The following TAF5 variants were observed in gnomAD, a reference collection of about 807,000 sequenced individuals.
The protein encoded by TAF5 is transcription initiation factor TFIID subunit 5.
A neutral mutation model predicts 80.9 loss-of-function variants in TAF5; 20 were observed. The observed-to-expected ratio is 0.25, with a 90% confidence interval of 0.17 to 0.36. The LOEUF is 0.36. TAF5 is among the 10% of genes least tolerant of loss of function. TAF5 has a pLI of 1.00. For synonymous variants in TAF5, 388 were observed against 406.4 expected (o/e 0.95, Z 0.55); for missense variants, 863 against 1,029.4 (o/e 0.84, Z 2.21).
Position 103,387,539 on chromosome 10 carries a change from A to T in TAF5, c.2026A>T (p.Thr676Ser). 1.2e-6 allele frequency: 2 copies of T among 1,613,346 alleles called. No homozygotes were observed. Among genetic ancestry groups the T allele is most frequent in the South Asian group, 1.1e-5 (1 of 91,000 alleles). The change falls in exon 10 of 11, where the codon ACA becomes TCA. Residue 676 changes from threonine to serine, a missense_variant. Thr to Ser is a moderately conservative substitution (Grantham distance 58). This residue lies in a region of TAF5 where 368 missense variants were observed against 461.7 expected (regional missense o/e 0.80). Transcript: ENST00000369839. The stretch of plus-strand genomic sequence containing the variant: ...TTTCTAGGGACCAATTCATTCCTTG[A>T]CATTTTCTCCCAATGGGAGATTCCT... ...TGHKGPIHSL[T>S]FSPNGRFLAT...
chr10:103,385,998 A>G (rs929881442), intron 8 of TAF5, among the ~76,000 whole-genome samples: 2 of 151,618 alleles, frequency 1.3e-5, no homozygotes, highest in South Asian at 2.1e-4. Context: ...AATTACATCT[A>G]TATGAATCCT....
intron 5 of TAF5, among the ~76,000 whole-genome samples, chr10:103,380,437 T>C (rs1232463788): frequency 6.6e-6 from 1 of 152,012 alleles, no homozygotes; most frequent in Non-Finnish European, 1.5e-5. Context: ...CCCTAAACTC[T>C]TATACAATTT....
At chr10:103,387,795 C>T (rs747801441) in intron 10 of TAF5, 97 bp downstream of exon 10, 4 of 1,296,586 alleles carry the variant, frequency 3.1e-6, no homozygotes, top group Non-Finnish European at 4.3e-6. Context: ...GGTTTTACTT[C>T]CCTTTAGCTA....
At position 103,373,473 on chromosome 10, in the gene TAF5, T is replaced by C. The variant is rs1420404242; in HGVS notation, c.675T>C (p.Ile225=). The stretch of plus-strand genomic sequence containing the variant: ...ACTATAGTGGACTGAAACACTTCAT[T>C]GAATGTTCCCTGGACTGCCATCGGG... ...EEYYSGLKHF[I]ECSLDCHRAE... Residue 225 remains isoleucine, a synonymous_variant, in exon 2 of 11, where the codon ATT becomes ATC. Coordinates refer to ENST00000369839, the MANE Select transcript of TAF5 (RefSeq NM_006951.5). 1 of 1,614,184 alleles carries C rather than the reference T, an allele frequency of 6.2e-7. No individual in the cohort carries two copies. The highest frequency in any genetic ancestry group is 1.7e-5 in the Admixed American group (1 of 60,020).
chr10:103,370,963 G>A (rs59387508), intron 1 of TAF5, among the ~76,000 whole-genome samples: 2,213 of 152,130 alleles, frequency 0.015, 39 homozygotes, highest in African/African-American at 0.045. Flanking sequence ...ATTGAAGGCC[G>A]GGCTCGGTGG....
In TAF5 at chr10:103,368,426, C is replaced by T. The variant is rs751388661; in HGVS notation, c.437C>T (p.Ala146Val). Residue 146 changes from alanine to valine, a missense_variant, in exon 1 of 11, where the codon GCG becomes GTG. Ala to Val is a moderately conservative substitution (Grantham distance 64, BLOSUM62 0). This residue lies in a region of TAF5 where 367 missense variants were observed against 335.5 expected (regional missense o/e 1.09). Transcript: ENST00000369839. The stretch of plus-strand genomic sequence containing the variant: ...AGCGCCGGCGCTGAGGTGACCAGCG[C>T]GCTTCTCAGCCGGGTGACCGCCTCG... Reference protein sequence around the residue: ...VDSAGAEVTSALLSRVTASAP... With the variant: ...VDSAGAEVTSVLLSRVTASAP... 1.4e-5 allele frequency: 22 copies of T among 1,577,224 alleles called. No homozygotes were observed. In the Admixed American group the frequency reaches 3.7e-4, roughly 27 times the overall value.
chr10:103,387,635 A>G lies in TAF5; in HGVS notation c.2122A>G (p.Lys708Glu). The change falls in exon 10 of 11, where the codon AAA becomes GAA. Residue 708 changes from lysine (K) to glutamate (E), a missense_variant. Physicochemically the swap from Lys to Glu is moderately conservative, Grantham distance 56. Coordinates refer to ENST00000369839, the MANE Select transcript of TAF5 (RefSeq NM_006951.5). ...IGHGLMVGEL[K>E]GHTDTVCSLR... is the part of the protein sequence containing the mutation. Reference sequence around the variant, plus strand: ...ACATGGTTTGATGGTTGGAGAATTAAAAGGCCACACTGATACAGTCTGTTC... The same window carrying G: ...ACATGGTTTGATGGTTGGAGAATTAGAAGGCCACACTGATACAGTCTGTTC... 6.2e-7 allele frequency: 1 copy of G among 1,614,154 alleles called. No individual in the cohort carries two copies. The highest frequency in any genetic ancestry group is 8.5e-7 in the Non-Finnish European group (1 of 1,180,020).
rs1018731199 is a variant in TAF5, at chr10:103,373,648, T to TGC, written c.797+55_797+56dup. On this transcript the variant is annotated intron_variant, in intron 2 of 10. Coordinates refer to ENST00000369839, the MANE Select transcript of TAF5 (RefSeq NM_006951.5). Reference sequence around the variant, plus strand: ...TACACACATACGTAGTGTGTGTGTGTGCGTGCATATGTTTTCACATCTGTA... The same window carrying TGC: ...TACACACATACGTAGTGTGTGTGTGTGCGCGTGCATATGTTTTCACATCTGTA... 16 of 1,310,012 alleles carry TGC rather than the reference T, an allele frequency of 1.2e-5. No individual in the cohort carries two copies. In the African/African-American group the frequency reaches 2.4e-4, roughly 20 times the overall value. The allele number at this position is 1,310,012 out of a possible 1,614,324, so 81.1% of individuals were successfully genotyped here. A position where few individuals can be genotyped will look rare whatever the true frequency, so the allele number is the denominator to read the frequency against.
intron 8 of TAF5, among the ~76,000 whole-genome samples, chr10:103,385,860 G>C (rs2093394727): frequency 6.9e-6 from 1 of 144,630 alleles, no homozygotes; most frequent in African/African-American, 2.5e-5. Context: ...GAGAGGCGGA[G>C]GTTGCAGTGA....
chr10:103,387,740 G>C (rs1184825438), intron 10 of TAF5, 42 bp downstream of exon 10: 1 of 1,570,890 alleles, frequency 6.4e-7, no homozygotes. Context: ...GCTATGTTAA[G>C]AGGAAACAGT....
intron 2 of TAF5, among the ~76,000 whole-genome samples, chr10:103,377,508 TA>T (rs2093372603): frequency 6.6e-6 from 1 of 152,250 alleles, no homozygotes; most frequent in Non-Finnish European, 1.5e-5. Context: ...ATATTGTCTT[TA>T]ATTTTATTTT....
chr10:103,371,244 A>C (rs1039734401), intron 1 of TAF5, among the ~76,000 whole-genome samples: 1 of 115,406 alleles, frequency 8.7e-6, no homozygotes, highest in African/African-American at 3.0e-5. Context: ...CTCCGTCTTT[A>C]CAAAAAAAAA....
Position 103,368,012 on chromosome 10 carries a change from A to G in TAF5, c.23A>G (p.Gln8Arg), listed in dbSNP as rs1003783976. 8 of 1,464,000 alleles carry G rather than the reference A, an allele frequency of 5.5e-6. No individual in the cohort carries two copies. Among genetic ancestry groups the G allele is most frequent in the Middle Eastern group, 2.0e-4 (1 of 4,928 alleles). The allele number at this position is 1,464,000 out of a possible 1,614,324, so 90.7% of individuals were successfully genotyped here. A position where few individuals can be genotyped will look rare whatever the true frequency, so the allele number is the denominator to read the frequency against. Residue 8 changes from glutamine (Q) to arginine (R), a missense_variant, in exon 1 of 11, where the codon CAG becomes CGG. Physicochemically the swap from Gln to Arg is conservative, Grantham distance 43. This residue lies in a region of TAF5 where 367 missense variants were observed against 335.5 expected (regional missense o/e 1.09). Transcript: ENST00000369839. MAALAEE[Q>R]TEVAVKLEPE... ...AAGATGGCGGCGCTGGCGGAGGAGC[A>G]GACGGAGGTGGCGGTCAAGCTAGAG...
chr10:103,381,906 A>T, intron 6 of TAF5, 65 bp downstream of exon 6: 2 of 1,589,626 alleles, frequency 1.3e-6, no homozygotes. Context: ...GATTCCATGG[A>T]AAATACACAG....
At chr10:103,375,918 C>T (rs2093369005) in intron 2 of TAF5, among the ~76,000 whole-genome samples, 3 of 151,644 alleles carry the variant, frequency 2.0e-5, no homozygotes, top group Admixed American at 6.6e-5. Context: ...ATTAGCCGGG[C>T]GTGGTGGCAG....
intron 5 of TAF5, among the ~76,000 whole-genome samples, chr10:103,380,259 G>C (rs1294593530): frequency 4.6e-5 from 7 of 152,022 alleles, no homozygotes; most frequent in South Asian, 4.1e-4. Context: ...TTCCCCAGCA[G>C]CTGGGACTAC....
intron 10 of TAF5, 29 bp from the exon 11 acceptor site, chr10:103,387,977 A>G (rs765288158): frequency 1.3e-6 from 2 of 1,581,822 alleles, no homozygotes; most frequent in Admixed American, 1.7e-5. Flanking sequence ...GATGGATGCA[A>G]CTAATGGTTT....
At chr10:103,380,923 A>C (rs1166167585) in intron 5 of TAF5, among the ~76,000 whole-genome samples, 1 of 151,778 alleles carries the variant, frequency 6.6e-6, no homozygotes, top group Non-Finnish European at 1.5e-5. Flanking sequence ...GCCCAGCCAT[A>C]TAAACCTTAT....
Position 103,368,276 on chromosome 10 carries a change from C to T in TAF5, c.287C>T (p.Thr96Ile), listed in dbSNP as rs1003387665. 5 of 1,568,106 alleles carry T rather than the reference C, an allele frequency of 3.2e-6. No homozygotes were observed. In the East Asian group the frequency reaches 9.5e-5, roughly 30 times the overall value. ...PDAGAPHDRQ[T>I]LLAVLQFLRQ... is the part of the protein sequence containing the mutation. ...GCCGGCGCTCCGCATGACCGACAGA[C>T]TCTACTGGCCGTGCTGCAGTTCCTA... The change falls in exon 1 of 11, where the codon ACT (threonine) becomes ATT (isoleucine). Residue 96 changes from threonine (T) to isoleucine (I), a missense_variant. Thr to Ile is a moderately conservative substitution (Grantham distance 89). Transcript: ENST00000369839.
Sources: allele counts gnomAD v4.1 joint callset (sites outside exome capture counted in the v4.1 genomes callset), GRCh38; gene constraint gnomAD v4.1.1; regional missense constraint gnomAD v4.1.1; transcripts MANE v1.5; gene names NCBI Gene and HGNC (gene_info 2026-07-23, HGNC 2026-07-21).